DCAF6: variants seen among roughly 807,000 people sequenced by gnomAD.
DCAF6 encodes DDB1- and CUL4-associated factor 6.
A neutral mutation model predicts 125.1 loss-of-function variants in DCAF6; 54 were observed. The ratio of observed to expected loss-of-function variants is 0.43; its 90% CI spans 0.35 to 0.54. The LOEUF is 0.54. Among genes scored for constraint, DCAF6 ranks in the 20% least tolerant of loss-of-function variants. The pLI is 0.01. For synonymous variants in DCAF6, 371 were observed against 390.4 expected (o/e 0.95, Z 0.58); for missense variants, 934 against 1,161.7 (o/e 0.80, Z 2.85).
chr1:168,030,629 A>G (rs1686958448), intron 12 of DCAF6, among the ~76,000 whole-genome samples: 1 of 152,192 alleles, frequency 6.6e-6, no homozygotes, highest in South Asian at 2.1e-4. Flanking sequence ...ATGTAGAATA[A>G]ACAGGACTTG....
chr1:167,956,083 C>T (rs990558294), intron 2 of DCAF6, among the ~76,000 whole-genome samples: 1 of 152,122 alleles, frequency 6.6e-6, no homozygotes, highest in Non-Finnish European at 1.5e-5. Context: ...TTGTCTCTTT[C>T]TATTTAGTAT....
the DCAF6 span, chr1:167,917,912 T>C: frequency 3.5e-3 from 538 of 155,660 alleles, 2 homozygotes; most frequent in Non-Finnish European, 5.0e-3. Flanking sequence ...CCACTACCCA[T>C]TTCTCAGTCT....
chr1:168,006,054 A>G (rs1351119241), intron 10 of DCAF6, among the ~76,000 whole-genome samples: 1 of 152,186 alleles, frequency 6.6e-6, no homozygotes, highest in Non-Finnish European at 1.5e-5. Context: ...ATATTGATCA[A>G]TTATAAGTTT....
chr1:167,876,383 C>T, the DCAF6 span, among the ~76,000 whole-genome samples: 2 of 152,034 alleles, frequency 1.3e-5, no homozygotes, highest in Admixed American at 6.5e-5. Flanking sequence ...AGTATCCAAA[C>T]ATAGGCCAGG....
Position 168,050,912 on chromosome 1 carries a change from C to A in DCAF6, c.2279C>A (p.Thr760Lys). 7.2e-7 allele frequency: 1 copy of A among 1,381,818 alleles called. No individual in the cohort carries two copies. Among genetic ancestry groups the A allele is most frequent in the African/African-American group, 1.4e-5 (1 of 69,458 alleles). The allele number at this position is 1,381,818 out of a possible 1,614,324, so 85.6% of individuals were successfully genotyped here. ...PGDRFNIRGTTIGDRIMRRSA... is the reference protein window; with the variant it reads ...PGDRFNIRGTKIGDRIMRRSA... The stretch of plus-strand genomic sequence containing the variant: ...ACTAGATTTAATATCAGAGGAACAA[C>A]AATAGGTGATAGAATAATGAGGTAA... Residue 760 changes from threonine to lysine, a missense_variant, in exon 17 of 22, where the codon ACA (threonine) becomes AAA (lysine). This residue lies in a region of DCAF6 where 559 missense variants were observed against 635.5 expected (regional missense o/e 0.88). Coordinates refer to ENST00000367840, the MANE Select transcript of DCAF6 (RefSeq NM_001198956.2).
chr1:167,866,530 C>CAAAAAA, the DCAF6 span, among the ~76,000 whole-genome samples: 2 of 110,782 alleles, frequency 1.8e-5, no homozygotes, highest in Non-Finnish European at 4.0e-5. Flanking sequence ...CTCTATGTGC[C>CAAAAAA]AAAAAAAAAA....
the DCAF6 span, among the ~76,000 whole-genome samples, chr1:167,875,713 G>A: frequency 6.6e-6 from 1 of 152,246 alleles, no homozygotes; most frequent in East Asian, 1.9e-4. Flanking sequence ...CCCTTTGGGA[G>A]GCCGAGGTGG....
chr1:167,924,545 A>G, the DCAF6 span: 2 of 1,526,778 alleles, frequency 1.3e-6, no homozygotes, highest in Non-Finnish European at 1.8e-6. Flanking sequence ...GACCTGAAAA[A>G]AAAAAGAAAA....
chr1:167,871,037 T>G, the DCAF6 span, among the ~76,000 whole-genome samples: 1 of 152,220 alleles, frequency 6.6e-6, no homozygotes, highest in Non-Finnish European at 1.5e-5. Context: ...CAACCAGGAA[T>G]TAAGCCAAGG....
chr1:167,995,711 AC>A (rs1681568550), intron 7 of DCAF6, among the ~76,000 whole-genome samples: 1 of 152,036 alleles, frequency 6.6e-6, no homozygotes, highest in African/African-American at 2.4e-5. Context: ...ATTATAACAA[AC>A]CAAACAATTC....
chr1:168,005,929 AAAAAT>A, intron 10 of DCAF6, among the ~76,000 whole-genome samples: 1 of 152,206 alleles, frequency 6.6e-6, no homozygotes, highest in East Asian at 1.9e-4. Context: ...TAATTTATGG[AAAAAT>A]AAAATATTTT....
At chr1:168,042,078 C>CT (rs558793342) in intron 13 of DCAF6, among the ~76,000 whole-genome samples, 24 of 151,738 alleles carry the variant, frequency 1.6e-4, no homozygotes, top group African/African-American at 4.3e-4. Flanking sequence ...TATGTACTCT[C>CT]TTTTTTTTAA....
chr1:167,918,888 C>T, the DCAF6 span, among the ~76,000 whole-genome samples: 8 of 152,050 alleles, frequency 5.3e-5, no homozygotes, highest in South Asian at 8.3e-4. Flanking sequence ...CCACCATGCC[C>T]GGCCTGCCAA....
At chr1:168,043,519 C>CA (rs1688802587) in intron 14 of DCAF6, among the ~76,000 whole-genome samples, 1 of 152,080 alleles carries the variant, frequency 6.6e-6, no homozygotes, top group African/African-American at 2.4e-5. Flanking sequence ...AGAATCTAAA[C>CA]AAGTTACGAG....
intron 1 of DCAF6, among the ~76,000 whole-genome samples, chr1:167,946,257 A>C (rs1673074862): frequency 6.6e-6 from 1 of 152,154 alleles, no homozygotes; most frequent in South Asian, 2.1e-4. Context: ...CGCCTGGCAA[A>C]TCTAAGAGTT....
At chr1:167,965,012 G>A (rs150616514) in intron 2 of DCAF6, among the ~76,000 whole-genome samples, 95 of 152,290 alleles carry the variant, frequency 6.2e-4, no homozygotes, top group African/African-American at 2.2e-3. Context: ...TGGTCTTACA[G>A]TTCCAACAGT....
the DCAF6 span, among the ~76,000 whole-genome samples, chr1:167,878,879 G>A: frequency 6.6e-6 from 1 of 152,194 alleles, no homozygotes; most frequent in African/African-American, 2.4e-5. Context: ...GACCTGCTCA[G>A]GGATGGAAGG....
chr1:167,936,111 A>G (rs1671176285), upstream of DCAF6: 3 of 525,654 alleles, frequency 5.7e-6, no homozygotes, highest in South Asian at 2.1e-5. Flanking sequence ...CCATGGCAAC[A>G]GGTGCCAAAA....
the DCAF6 span, chr1:167,924,564 C>G: frequency 6.8e-7 from 1 of 1,469,930 alleles, no homozygotes; most frequent in Non-Finnish European, 9.1e-7. Context: ...AAGAAAAATT[C>G]AGGAATAAAC....
Sources: gnomAD v4.1 joint callset for allele counts (sites outside exome capture counted in the v4.1 genomes callset) on GRCh38, gnomAD v4.1.1 for gene constraint, gnomAD v4.1.1 regional missense constraint, MANE v1.5 for transcripts, NCBI Gene and HGNC (gene_info 2026-07-23, HGNC 2026-07-21) for gene names.